PLD1: variants seen among roughly 807,000 people sequenced by gnomAD.
PLD1 encodes the protein phospholipase D1.
A neutral mutation model predicts 137.1 loss-of-function variants in PLD1; 112 were observed. The observed-to-expected ratio is 0.82, with a 90% CI of 0.70 to 0.96. PLD1 has a LOEUF of 0.96. Ranked by LOEUF, PLD1 falls within the 40% of genes least tolerant of loss-of-function variation. The pLI, the probability that PLD1 is intolerant of heterozygous loss-of-function variation, is 0.00. For missense variants in PLD1, 1,321 were observed against 1,342.0 expected, an observed-to-expected ratio of 0.98 and a Z score of 0.24; for synonymous variants, 431 against 454.7, an observed-to-expected ratio of 0.95 and a Z score of 0.66.
At chr3:171,732,358 T>C (rs1921345) in intron 6 of PLD1, among the ~76,000 whole-genome samples, 44,171 of 152,048 alleles carry the variant, frequency 0.29, 6,833 homozygotes, top group Admixed American at 0.33. Flanking sequence ...TATGAAGACA[T>C]AGAAGCTCCC....
At chr3:171,779,059 G>A (rs970823328) in intron 1 of PLD1, among the ~76,000 whole-genome samples, 3 of 152,146 alleles carry the variant, frequency 2.0e-5, no homozygotes, top group Non-Finnish European at 4.4e-5. Flanking sequence ...TATGGTGGCG[G>A]GCGCCTGTAA....
chr3:171,769,486 A>G (rs570978481), intron 1 of PLD1, among the ~76,000 whole-genome samples: 2 of 152,378 alleles, frequency 1.3e-5, no homozygotes, highest in East Asian at 3.8e-4. Flanking sequence ...TAGCATATAT[A>G]TGGCATGTAT....
intron 12 of PLD1, among the ~76,000 whole-genome samples, chr3:171,698,212 A>G (rs548207598): frequency 1.3e-5 from 2 of 152,334 alleles, no homozygotes; most frequent in East Asian, 3.9e-4. Context: ...GCAAGGTTCA[A>G]ATCTGATTCA....
chr3:171,659,492 G>C (rs879795295), intron 20 of PLD1, among the ~76,000 whole-genome samples, 191 bp from the exon 21 acceptor site: 11 of 152,112 alleles, frequency 7.2e-5, no homozygotes, highest in Non-Finnish European at 1.5e-4. Context: ...TCTGATTCCA[G>C]GTCATATCAC....
intron 1 of PLD1, among the ~76,000 whole-genome samples, chr3:171,738,546 A>G (rs1242621565): frequency 6.6e-6 from 1 of 152,214 alleles, no homozygotes; most frequent in Non-Finnish European, 1.5e-5. Context: ...TAGATTTAGA[A>G]ATATTTTTAT....
chr3:171,645,604 G>T (rs950081066), intron 21 of PLD1, among the ~76,000 whole-genome samples: 4 of 152,130 alleles, frequency 2.6e-5, no homozygotes, highest in Admixed American at 1.3e-4. Context: ...TGAGTGGCCG[G>T]CCGGGCGTGG....
chr3:171,688,746 T>C lies in PLD1; in HGVS notation c.1469A>G (p.Asn490Ser), dbSNP rs773559766. 11 of 1,614,072 alleles carry C rather than the reference T, an allele frequency of 6.8e-6. No individual in the cohort carries two copies. Among genetic ancestry groups the C allele is most frequent in the African/African-American group, 2.7e-5 (2 of 74,916 alleles). ...IDLAYGRWDD[N>S]EHRLTDVGSV... Reference sequence around the variant, plus strand: ...GCCCACGTCTGTGAGTCTGTGCTCATTGTCGTCCCACCTTCCATAGGCCAG... The same window carrying C: ...GCCCACGTCTGTGAGTCTGTGCTCACTGTCGTCCCACCTTCCATAGGCCAG... The change falls in exon 14 of 27, where the codon AAT (asparagine) becomes AGT (serine). Residue 490 changes from asparagine (N) to serine (S), a missense_variant. Asn to Ser is a conservative substitution (Grantham distance 46). Transcript: ENST00000351298.
chr3:171,671,577 T>C (rs1303594615), intron 19 of PLD1, among the ~76,000 whole-genome samples: 1 of 152,216 alleles, frequency 6.6e-6, no homozygotes, highest in Non-Finnish European at 1.5e-5. Context: ...TCTAGTCTAA[T>C]AAGTTCTTCA....
chr3:171,798,491 G>A (rs1389356104), intron 1 of PLD1, among the ~76,000 whole-genome samples: 1 of 152,194 alleles, frequency 6.6e-6, no homozygotes, highest in Non-Finnish European at 1.5e-5. Context: ...AGTAAATTGA[G>A]AAATAAATTC....
chr3:171,675,624 C>T (rs1713267679), intron 18 of PLD1, among the ~76,000 whole-genome samples: 1 of 152,130 alleles, frequency 6.6e-6, no homozygotes, highest in Non-Finnish European at 1.5e-5. Flanking sequence ...TTAAAAGTAA[C>T]ACCCCATTTG....
intron 15 of PLD1, 88 bp from the exon 16 acceptor site, chr3:171,686,886 G>T: frequency 1.5e-6 from 1 of 663,664 alleles, no homozygotes; most frequent in Non-Finnish European, 2.6e-6. Flanking sequence ...TTAAAACCAG[G>T]CAGGGCTATA....
intron 1 of PLD1, among the ~76,000 whole-genome samples, chr3:171,758,517 C>T (rs373835679): frequency 3.9e-5 from 6 of 152,200 alleles, no homozygotes; most frequent in South Asian, 4.1e-4. Flanking sequence ...GGACTAGCCT[C>T]GTAGGCATCA....
intron 23 of PLD1, among the ~76,000 whole-genome samples, chr3:171,636,954 G>T (rs1735183098): frequency 6.6e-6 from 1 of 152,092 alleles, no homozygotes; most frequent in Non-Finnish European, 1.5e-5. Flanking sequence ...GTTTGTTGAG[G>T]TTTTTTTGTT....
At chr3:171,788,921 C>T (rs1355789306) in intron 1 of PLD1, 16 of 152,174 alleles carry the variant, frequency 1.1e-4, no homozygotes, top group Non-Finnish European at 1.5e-5. Context: ...TATTCCTTTA[C>T]TCCAATATGT....
At chr3:171,721,153 C>T (rs1718096952) in intron 8 of PLD1, among the ~76,000 whole-genome samples, 1 of 152,214 alleles carries the variant, frequency 6.6e-6, no homozygotes, top group Non-Finnish European at 1.5e-5. Context: ...ATACATTAGG[C>T]ACTCGAAAAA....
chr3:171,683,217 G>A (rs956140487), intron 16 of PLD1, among the ~76,000 whole-genome samples: 5 of 151,954 alleles, frequency 3.3e-5, no homozygotes, highest in Admixed American at 2.0e-4. Context: ...CTGTCAGCTC[G>A]ACCCTCAAAA....
chr3:171,658,208 A>G (rs1464782662), intron 21 of PLD1, among the ~76,000 whole-genome samples: 1 of 152,208 alleles, frequency 6.6e-6, no homozygotes, highest in African/African-American at 2.4e-5. Context: ...TGGACCTCTC[A>G]TATACTATGG....
intron 25 of PLD1, among the ~76,000 whole-genome samples, chr3:171,611,952 C>T (rs1378054224): frequency 2.0e-5 from 3 of 152,050 alleles, no homozygotes; most frequent in East Asian, 3.9e-4. Context: ...TGTGGTGACA[C>T]GGGCCTGTAG....
In PLD1 at chr3:171,612,532, T is replaced by C. The variant is rs1732750005; in HGVS notation, c.2729-100A>G. ...TCATCCTTGCAAACAAAACCGTAAT[T>C]TTGTCCAGGTTTTCAAGGGAAGATG... On this transcript the variant is annotated intron_variant, in intron 24 of 26. Transcript: ENST00000351298. This position sits in a 1 kb window ranked among gnomAD's most constrained non-coding sequence, Gnocchi z 4.1. The C allele has an allele frequency of 1.7e-6, 2 of 1,147,626 alleles. No individual in the cohort carries two copies. Among genetic ancestry groups the C allele is most frequent in the Non-Finnish European group, 2.6e-6 (2 of 781,464 alleles). 71.1% of individuals were successfully genotyped at this position (1,147,626 alleles called of 1,614,324 possible).
Sources: allele counts gnomAD v4.1 joint callset (sites outside exome capture counted in the v4.1 genomes callset), GRCh38; gene constraint gnomAD v4.1.1; non-coding constraint Gnocchi (gnomAD v3.1); transcripts MANE v1.5; gene names NCBI Gene and HGNC (gene_info 2026-07-23, HGNC 2026-07-21).